Variants in CHIC2 observed in about 807,000 individuals in gnomAD.
The protein encoded by CHIC2 is cysteine-rich hydrophobic domain-containing protein 2.
Under a neutral mutation model 25.9 loss-of-function variants are expected in CHIC2, and 14 were observed. That is an observed-to-expected ratio of 0.54 (90% confidence interval 0.36 to 0.85). The LOEUF (loss-of-function observed/expected upper bound fraction) is 0.85, where lower values mean the gene tolerates loss of function less well. Ranked by LOEUF, CHIC2 falls within the 40% of genes least tolerant of loss-of-function variation. The pLI, the probability that CHIC2 is intolerant of heterozygous loss-of-function variation, is 0.01. For missense variants in CHIC2, 146 were observed against 202.0 expected, an observed-to-expected ratio of 0.72 and a Z score of 1.68; for synonymous variants, 70 against 72.0, an observed-to-expected ratio of 0.97 and a Z score of 0.14.
chr4:54,013,561 T>G (rs1449449553), intron 5 of CHIC2, among the ~76,000 whole-genome samples: 1 of 152,122 alleles, frequency 6.6e-6, no homozygotes, highest in Non-Finnish European at 1.5e-5. Context: ...GCATCTAAAA[T>G]TTCACACTCC....
At chr4:54,053,212 T>C (rs1717061798) in intron 1 of CHIC2, among the ~76,000 whole-genome samples, 1 of 152,194 alleles carries the variant, frequency 6.6e-6, no homozygotes, top group Non-Finnish European at 1.5e-5. Context: ...TGCAAGTTGA[T>C]AGAATTTTCA....
chr4:54,019,664 C>A (rs1007824279), intron 3 of CHIC2, among the ~76,000 whole-genome samples: 3 of 152,160 alleles, frequency 2.0e-5, no homozygotes, highest in African/African-American at 7.2e-5. Context: ...TCTACTAACT[C>A]TGAGTACCAT....
At chr4:54,039,820 T>C (rs1401853182) in intron 3 of CHIC2, among the ~76,000 whole-genome samples, 1 of 152,144 alleles carries the variant, frequency 6.6e-6, no homozygotes, top group Non-Finnish European at 1.5e-5. Context: ...ATAAACAAAC[T>C]GTGATACATC....
intron 3 of CHIC2, among the ~76,000 whole-genome samples, chr4:54,041,070 C>G (rs77720640): frequency 6.6e-6 from 1 of 150,872 alleles, no homozygotes; most frequent in Non-Finnish European, 1.5e-5. Flanking sequence ...GCACGTGCCA[C>G]CATGCCAGCT....
At chr4:54,049,351 C>A (rs749961956) in intron 1 of CHIC2, 46 bp from the exon 2 acceptor site, 3 of 1,281,690 alleles carry the variant, frequency 2.3e-6, no homozygotes, top group Admixed American at 2.1e-5. Flanking sequence ...GTTATTGTTG[C>A]CAAAAATGTA....
chr4:54,080,976 AT>A, the CHIC2 span, among the ~76,000 whole-genome samples: 2 of 131,870 alleles, frequency 1.5e-5, no homozygotes, highest in African/African-American at 6.3e-5. Flanking sequence ...ATATATATAT[AT>A]ATATATATAA....
chr4:54,070,504 C>T, the CHIC2 span, among the ~76,000 whole-genome samples: 1 of 152,118 alleles, frequency 6.6e-6, no homozygotes, highest in Non-Finnish European at 1.5e-5. Context: ...CTCACTACAA[C>T]CTCCACCTCC....
chr4:54,080,569 C>A, the CHIC2 span, among the ~76,000 whole-genome samples: 1 of 151,798 alleles, frequency 6.6e-6, no homozygotes, highest in African/African-American at 2.4e-5. Flanking sequence ...AGTTCAAGAC[C>A]AACCTGAGCA....
intron 3 of CHIC2, among the ~76,000 whole-genome samples, chr4:54,029,119 C>T (rs1391052399): frequency 2.0e-5 from 3 of 146,712 alleles, no homozygotes; most frequent in Admixed American, 6.8e-5. Flanking sequence ...GAGACTCCAT[C>T]TCAAAGAAAA....
At chr4:54,066,206 C>A (rs1196397100), upstream of CHIC2, among the ~76,000 whole-genome samples, 2 of 152,212 alleles carry the variant, frequency 1.3e-5, no homozygotes, top group African/African-American at 4.8e-5. Context: ...CTGCCACTTA[C>A]TGTGTGACCC....
chr4:54,072,809 A>G, the CHIC2 span, among the ~76,000 whole-genome samples: 7 of 152,328 alleles, frequency 4.6e-5, no homozygotes, highest in African/African-American at 1.4e-4. Context: ...GTGGTGGCTC[A>G]TGCCGGTAAT....
intron 3 of CHIC2, among the ~76,000 whole-genome samples, chr4:54,017,706 C>CT (rs1414303959): frequency 1.3e-5 from 2 of 152,152 alleles, no homozygotes; most frequent in Non-Finnish European, 2.9e-5. Context: ...GGAAAAACAA[C>CT]TTTTTTGTGT....
chr4:54,043,764 G>C (rs1382328427), intron 3 of CHIC2, among the ~76,000 whole-genome samples: 1 of 152,084 alleles, frequency 6.6e-6, no homozygotes, highest in African/African-American at 2.4e-5. Flanking sequence ...AAAATAACCA[G>C]CTAACATCAT....
chr4:54,043,946 G>A (rs1405901171), intron 3 of CHIC2, among the ~76,000 whole-genome samples: 1 of 152,124 alleles, frequency 6.6e-6, no homozygotes, highest in Non-Finnish European at 1.5e-5. Flanking sequence ...TCAAAATAAA[G>A]GGATGGAGGA....
At chr4:54,017,554 T>C (rs1393760453) in intron 3 of CHIC2, among the ~76,000 whole-genome samples, 7 of 152,284 alleles carry the variant, frequency 4.6e-5, no homozygotes, top group African/African-American at 1.4e-4. Context: ...GCTCACACCC[T>C]GGGGGTGAGG....
At chr4:54,021,003 C>T (rs1037598521) in intron 3 of CHIC2, among the ~76,000 whole-genome samples, 1 of 152,128 alleles carries the variant, frequency 6.6e-6, no homozygotes, top group South Asian at 2.1e-4. Flanking sequence ...CCCACCACCC[C>T]GCTTCTCCGT....
intron 3 of CHIC2, among the ~76,000 whole-genome samples, chr4:54,039,169 T>G (rs568297788): frequency 3.9e-5 from 6 of 152,134 alleles, no homozygotes; most frequent in Admixed American, 2.6e-4. Flanking sequence ...AAAATTTTCA[T>G]GACCTTGGTT....
chr4:54,029,141 CAA>C (rs1716147941), intron 3 of CHIC2, among the ~76,000 whole-genome samples: 1 of 146,194 alleles, frequency 6.8e-6, no homozygotes, highest in African/African-American at 2.5e-5. Flanking sequence ...AAAAAAAAAA[CAA>C]AAGTCAAATA....
intron 3 of CHIC2, among the ~76,000 whole-genome samples, chr4:54,039,264 C>T (rs780298445): frequency 3.3e-5 from 5 of 151,790 alleles, no homozygotes; most frequent in African/African-American, 7.3e-5. Flanking sequence ...GCTTTTGTTC[C>T]GCCGAAGACA....
Sources: allele counts gnomAD v4.1 joint callset (sites outside exome capture counted in the v4.1 genomes callset), GRCh38; gene constraint gnomAD v4.1.1; transcripts MANE v1.5; gene names NCBI Gene and HGNC (gene_info 2026-07-23, HGNC 2026-07-21).